Variants in SPON1 observed in about 807,000 individuals in gnomAD.
The protein encoded by SPON1 is spondin 1.
Under a neutral mutation model 111.7 loss-of-function variants are expected in SPON1, and 52 were observed. The ratio of observed to expected loss-of-function variants is 0.47; its 90% CI spans 0.37 to 0.59. The LOEUF (loss-of-function observed/expected upper bound fraction) is 0.59, where lower values mean the gene tolerates loss of function less well. Ranked by LOEUF, SPON1 falls within the 20% of genes least tolerant of loss-of-function variation. SPON1 has a pLI of 0.00. For synonymous variants in SPON1, 410 were observed against 395.8 expected, an observed-to-expected ratio of 1.04 and a Z score of -0.43; for missense variants, 957 against 1,068.5, an observed-to-expected ratio of 0.90 and a Z score of 1.46.
At chr11:13,989,962 C>G (rs140084386) in intron 2 of SPON1, among the ~76,000 whole-genome samples, 138 of 152,172 alleles carry the variant, frequency 9.1e-4, no homozygotes, top group African/African-American at 3.3e-3. Context: ...TGTTTTACTT[C>G]CAATTATATG....
At chr11:14,026,593 G>C (rs1469866285) in intron 2 of SPON1, among the ~76,000 whole-genome samples, 2 of 152,098 alleles carry the variant, frequency 1.3e-5, no homozygotes. Context: ...GGGGAAACGG[G>C]GTGCACAAAC....
At chr11:14,039,767 T>C (rs1280620609) in intron 2 of SPON1, among the ~76,000 whole-genome samples, 1 of 152,158 alleles carries the variant, frequency 6.6e-6, no homozygotes, top group East Asian at 1.9e-4. Context: ...AATGAAGAAT[T>C]CCAAAGGTAA....
chr11:14,178,074 A>ACACACACACACACACG (rs1380780129), intron 6 of SPON1, among the ~76,000 whole-genome samples: 1 of 150,824 alleles, frequency 6.6e-6, no homozygotes, highest in African/African-American at 2.5e-5. Context: ...ACACACACAC[A>ACACACACACACACACG]CGCTTTGGTC....
chr11:13,988,143 C>T (rs1455965433), intron 2 of SPON1, among the ~76,000 whole-genome samples: 3 of 152,084 alleles, frequency 2.0e-5, no homozygotes, highest in African/African-American at 7.2e-5. Flanking sequence ...TTACTTTGGG[C>T]AGTATGGCCA....
At position 14,064,723 on chromosome 11, in the gene SPON1, T is replaced by C. The variant is rs2133824770; in HGVS notation, c.480-10622T>C. Among the ~76,000 whole-genome samples, 3 of 152,190 alleles carry C rather than the reference T, an allele frequency of 2.0e-5. No individual in the cohort carries two copies. The South Asian group carries it at 6.2e-4, about 32-fold the overall frequency. On this transcript the variant is annotated intron_variant, in intron 3 of 15. Coordinates refer to ENST00000576479, the MANE Select transcript of SPON1 (RefSeq NM_006108.4). The stretch of plus-strand genomic sequence containing the variant: ...GCTAACAATGTGTGAAAGAAAGTGA[T>C]AATGAAGAGGTGATGATCAGTCCCC...
Position 14,037,981 on chromosome 11 carries a change from C to A in SPON1, c.346-3540C>A, listed in dbSNP as rs797033604. On this transcript the variant is annotated intron_variant, in intron 2 of 15. Coordinates refer to ENST00000576479, the MANE Select transcript of SPON1 (RefSeq NM_006108.4). ...AGGAGTTCGAGACCAGCCTGGCCAACATGATGAAACCCTGTCTCTACTAAA... is the reference window on the plus strand; with the variant it reads ...AGGAGTTCGAGACCAGCCTGGCCAAAATGATGAAACCCTGTCTCTACTAAA... 5.9e-5 allele frequency among the ~76,000 whole-genome samples: 9 copies of A among 151,942 alleles called. No individual in the cohort carries two copies. In the East Asian group the frequency reaches 1.4e-3, roughly 23 times the overall value.
chr11:14,165,825 T>C (rs1258817262), intron 6 of SPON1, among the ~76,000 whole-genome samples: 1 of 152,200 alleles, frequency 6.6e-6, no homozygotes, highest in Admixed American at 6.5e-5. Flanking sequence ...TTGGCCTGAT[T>C]ATTGGCAAAA....
chr11:14,048,175 G>T (rs547714567), intron 3 of SPON1, among the ~76,000 whole-genome samples: 2 of 152,286 alleles, frequency 1.3e-5, no homozygotes, highest in African/African-American at 4.8e-5. Context: ...GGAGGTGGAG[G>T]TTGCATTGAG....
intron 6 of SPON1, among the ~76,000 whole-genome samples, chr11:14,145,616 T>C (rs1472697839): frequency 6.6e-6 from 1 of 152,210 alleles, no homozygotes; most frequent in African/African-American, 2.4e-5. Flanking sequence ...TCAGGAGTGT[T>C]AGGTATATTC....
chr11:14,169,407 C>G (rs1321003138), intron 6 of SPON1, among the ~76,000 whole-genome samples: 3 of 151,584 alleles, frequency 2.0e-5, no homozygotes, highest in Non-Finnish European at 4.4e-5. Context: ...AGCCCTTTGT[C>G]AGATGAGTAG....
intron 5 of SPON1, among the ~76,000 whole-genome samples, chr11:14,133,383 A>G (rs2133859763): frequency 1.3e-5 from 2 of 152,334 alleles, no homozygotes; most frequent in South Asian, 4.1e-4. Context: ...TGTAAGAGTG[A>G]TAATAAATGT....
intron 6 of SPON1, among the ~76,000 whole-genome samples, chr11:14,240,158 G>A (rs1554939533): frequency 6.6e-6 from 1 of 152,186 alleles, no homozygotes; most frequent in Non-Finnish European, 1.5e-5. Context: ...ATACATCAAA[G>A]AGAATGGTGT....
chr11:14,254,407 G>A, intron 7 of SPON1, 121 bp from the exon 8 acceptor site: 1 of 895,066 alleles, frequency 1.1e-6, no homozygotes, highest in Non-Finnish European at 1.7e-6. Flanking sequence ...GAATTCAGTG[G>A]GAGACCACGA....
chr11:14,057,764 G>A (rs1396918729), intron 3 of SPON1, among the ~76,000 whole-genome samples: 1 of 148,144 alleles, frequency 6.8e-6, no homozygotes, highest in South Asian at 2.2e-4. Flanking sequence ...GGAAGCTGAG[G>A]CTGGAAGATT....
intron 7 of SPON1, among the ~76,000 whole-genome samples, chr11:14,244,259 G>A (rs188332465): frequency 7.2e-5 from 11 of 152,256 alleles, no homozygotes; most frequent in East Asian, 3.9e-4. Flanking sequence ...AGTGGCTTAC[G>A]CTGTAATCTC....
At chr11:14,158,267 T>A (rs1285967583) in intron 6 of SPON1, among the ~76,000 whole-genome samples, 2 of 152,156 alleles carry the variant, frequency 1.3e-5, no homozygotes, top group African/African-American at 4.8e-5. Flanking sequence ...ACTTAAAGCC[T>A]GTAGTGCTTA....
intron 14 of SPON1, among the ~76,000 whole-genome samples, chr11:14,260,977 C>A (rs1350517547): frequency 6.6e-6 from 1 of 152,134 alleles, no homozygotes; most frequent in Non-Finnish European, 1.5e-5. Flanking sequence ...GTTAAGGTTC[C>A]TGTGAAGTCT....
chr11:14,055,881 C>G (rs1015562390), intron 3 of SPON1, among the ~76,000 whole-genome samples: 1 of 152,236 alleles, frequency 6.6e-6, no homozygotes, highest in Non-Finnish European at 1.5e-5. Context: ...GTTCCCTGCT[C>G]TCAGCTCCTG....
At chr11:14,172,315 C>A (rs1848113951) in intron 6 of SPON1, among the ~76,000 whole-genome samples, 1 of 151,722 alleles carries the variant, frequency 6.6e-6, no homozygotes, top group African/African-American at 2.4e-5. Flanking sequence ...GGGTTGCAAC[C>A]CCTGCCTTTT....
Sources: allele counts gnomAD v4.1 joint callset (sites outside exome capture counted in the v4.1 genomes callset), GRCh38; gene constraint gnomAD v4.1.1; transcripts MANE v1.5; gene names NCBI Gene and HGNC (gene_info 2026-07-23, HGNC 2026-07-21).